NUS1: variants seen among roughly 807,000 people sequenced by gnomAD.
NUS1 encodes dehydrodolichyl diphosphate synthase complex subunit NUS1.
For synonymous variants in NUS1, 135 were observed against 155.2 expected (o/e 0.87, Z 0.97); for missense variants, 292 against 382.9 (o/e 0.76, Z 1.98).
intron 1 of NUS1, among the ~76,000 whole-genome samples, chr6:117,685,349 T>C (rs1773121475): frequency 6.6e-6 from 1 of 152,156 alleles, no homozygotes; most frequent in African/African-American, 2.4e-5. Context: ...GTGTGTTTTG[T>C]CATAATGGCT....
intron 1 of NUS1, among the ~76,000 whole-genome samples, chr6:117,680,643 T>C (rs1243745822): frequency 6.6e-6 from 1 of 152,260 alleles, no homozygotes; most frequent in South Asian, 2.1e-4. Flanking sequence ...ATGATACTTC[T>C]GCACACTGAA....
chr6:117,697,313 C>T (rs908065679), intron 3 of NUS1, among the ~76,000 whole-genome samples: 3 of 151,802 alleles, frequency 2.0e-5, no homozygotes, highest in African/African-American at 4.8e-5. Context: ...AAGTCCTTAT[C>T]GATAATAACA....
In NUS1 at chr6:117,679,501, G is replaced by A. The variant is rs114111964; in HGVS notation, c.415+3416G>A. Among the ~76,000 whole-genome samples, 834 of 152,332 alleles carry A rather than the reference G, an allele frequency of 5.5e-3. 10 individuals carry two copies. The highest frequency in any genetic ancestry group is 0.019 in the African/African-American group (780 of 41,574). ...TGTAGAAATCTACCCAAAGCATAGT[G>A]TTTTAAAACAACAATTTATATATTG... On this transcript the variant is annotated intron_variant, in intron 1 of 4. Coordinates refer to ENST00000368494, the MANE Select transcript of NUS1 (RefSeq NM_138459.5).
intron 3 of NUS1, among the ~76,000 whole-genome samples, chr6:117,699,315 G>T (rs1234830016): frequency 6.6e-6 from 1 of 152,142 alleles, no homozygotes; most frequent in South Asian, 2.1e-4. Context: ...CAAAACCAAT[G>T]TACAAAAATC....
chr6:117,678,666 C>A (rs1582463166), intron 1 of NUS1, among the ~76,000 whole-genome samples: 1 of 140,422 alleles, frequency 7.1e-6, no homozygotes, highest in African/African-American at 2.6e-5. Flanking sequence ...TTTAGTGTTT[C>A]TTTTTCAGTG....
At chr6:117,685,273 C>T (rs754907780) in intron 1 of NUS1, among the ~76,000 whole-genome samples, 9 of 151,692 alleles carry the variant, frequency 5.9e-5, no homozygotes, top group Non-Finnish European at 1.3e-4. Flanking sequence ...TTTTTTTCAA[C>T]TTTTATTGTA....
At position 117,675,919 on chromosome 6, in the gene NUS1, C is replaced by T. The variant is rs1772970629; in HGVS notation, c.249C>T (p.His83=). 4 of 1,543,904 alleles carry T rather than the reference C, an allele frequency of 2.6e-6. No individual in the cohort carries two copies. The highest frequency in any genetic ancestry group is 3.5e-6 in the Non-Finnish European group (4 of 1,143,314). Reference sequence around the variant, plus strand: ...GGTCGTGCCTGGCAGCCGCACACCACCGGATGCGCTGGCGCGCGGACGGTC... The same window carrying T: ...GGTCGTGCCTGGCAGCCGCACACCATCGGATGCGCTGGCGCGCGGACGGTC... The part of the protein sequence containing the change: ...RGGSCLAAAH[H]RMRWRADGRS... The change falls in exon 1 of 5, where the codon CAC becomes CAT. Residue 83 remains histidine, a synonymous_variant. Transcript: ENST00000368494.
rs1464231854 is a variant in NUS1 at position 117,675,974 on chromosome 6, G to A, written c.304G>A (p.Gly102Ser). The A allele has an allele frequency of 6.5e-7, 1 of 1,549,234 alleles. No individual in the cohort carries two copies. Among genetic ancestry groups the A allele is most frequent in the Admixed American group, 2.0e-5 (1 of 50,978 alleles). The change falls in exon 1 of 5, where the codon GGC becomes AGC. Residue 102 changes from glycine to serine, a missense_variant. By Grantham distance (56) the Gly-to-Ser change is moderately conservative (BLOSUM62 0). Transcript: ENST00000368494. ...RSLEKLPVHMGLVITEVEQEP... is the reference protein window; with the variant it reads ...RSLEKLPVHMSLVITEVEQEP... ...CTTGGAGAAGCTGCCTGTGCATATG[G>A]GCCTGGTGATCACCGAGGTGGAGCA...
Position 117,694,012 on chromosome 6 carries a change from T to G in NUS1, c.542-19T>G. On this transcript the variant is annotated intron_variant, in intron 2 of 4. Transcript: ENST00000368494. ...GGAAGAGAGTGTTTTTAAAATACAT[T>G]GTTTGTTTTTTCTTCCAGTTTTAAA... 6.3e-7 allele frequency: 1 copy of G among 1,592,044 alleles called. No individual in the cohort carries two copies.
chr6:117,682,311 A>C (rs1773073113), intron 1 of NUS1, among the ~76,000 whole-genome samples: 1 of 152,208 alleles, frequency 6.6e-6, no homozygotes, highest in Non-Finnish European at 1.5e-5. Flanking sequence ...GTATTAAAGT[A>C]AACCTTTGCT....
At chr6:117,701,318 C>T (rs561397777) in intron 3 of NUS1, among the ~76,000 whole-genome samples, 33 of 149,334 alleles carry the variant, frequency 2.2e-4, no homozygotes, top group Non-Finnish European at 3.7e-4. Flanking sequence ...GATCTCAGCT[C>T]ACTGCAGACT....
In NUS1 at chr6:117,706,968, T is replaced by C; in HGVS notation, c.835T>C (p.Ser279Pro). Residue 279 changes from serine to proline, a missense_variant, in exon 5 of 5, where the codon TCT becomes CCT. Physicochemically the swap from Ser to Pro is moderately conservative, Grantham distance 74. Coordinates refer to ENST00000368494, the MANE Select transcript of NUS1 (RefSeq NM_138459.5). ...AAACATCAGTTATGAGGACTTTTTC[T>C]CTGCCCTTCGTCAATATGCAGCCTG... ...HLNISYEDFF[S>P]ALRQYAACEQ... The C allele has an allele frequency of 6.2e-7, 1 of 1,613,066 alleles. No homozygotes were observed. The highest frequency in any genetic ancestry group is 8.5e-7 in the Non-Finnish European group (1 of 1,179,156).
chr6:117,690,256 G>A (rs937096900), intron 1 of NUS1, among the ~76,000 whole-genome samples: 25 of 152,100 alleles, frequency 1.6e-4, no homozygotes, highest in African/African-American at 4.6e-4. Context: ...CACGCTTAGA[G>A]TCTTATGATT....
chr6:117,690,647 G>A (rs1026507456), intron 1 of NUS1, among the ~76,000 whole-genome samples: 11 of 151,942 alleles, frequency 7.2e-5, no homozygotes, highest in Non-Finnish European at 1.2e-4. Flanking sequence ...GTCTAAAACC[G>A]AACTCATCCT....
At chr6:117,690,748 T>C (rs1006803591) in intron 1 of NUS1, among the ~76,000 whole-genome samples, 15 of 152,092 alleles carry the variant, frequency 9.9e-5, no homozygotes, top group Admixed American at 8.5e-4. Flanking sequence ...TCCCAGCACT[T>C]TGGGAGGCCG....
rs1773518652 is a variant in NUS1, at chr6:117,707,572, A to AT, written c.*557_*558insT. 7.3e-6 allele frequency: 1 copy of AT among 137,208 alleles called. No homozygotes were observed. The highest frequency in any genetic ancestry group is 1.5e-5 in the Non-Finnish European group (1 of 64,690). The allele number at this position is 137,208 out of a possible 1,614,324, so 8.5% of individuals were successfully genotyped here. On this transcript the variant is annotated 3_prime_UTR_variant, in exon 5 of 5. Transcript: ENST00000368494. The stretch of plus-strand genomic sequence containing the variant: ...TGCTCACCTTCAGAGCAGAGGGAAT[A>AT]CCTATCTTCAGATATCCGTCCATTT...
At position 117,709,028 on chromosome 6, in the gene NUS1, T is replaced by A. The variant is rs1030419722; in HGVS notation, c.*2013T>A. 7 of 152,152 alleles carry A rather than the reference T, an allele frequency of 4.6e-5. No homozygotes were observed. Among genetic ancestry groups the A allele is most frequent in the Non-Finnish European group, 7.4e-5 (5 of 67,996 alleles). The allele number at this position is 152,152 out of a possible 1,614,324, so 9.4% of individuals were successfully genotyped here. A position where few individuals can be genotyped will look rare whatever the true frequency, so the allele number is the denominator to read the frequency against. ...TTGAAAGTACATCTGTAGCCTATGA[T>A]TTGAGTCTCTTGAAGTTCTAGGAAG... is the stretch of plus-strand genomic sequence containing the variant. On this transcript the variant is annotated 3_prime_UTR_variant, in exon 5 of 5. Transcript: ENST00000368494.
chr6:117,684,818 A>G (rs1044217354), intron 1 of NUS1, among the ~76,000 whole-genome samples: 1 of 152,252 alleles, frequency 6.6e-6, no homozygotes, highest in African/African-American at 2.4e-5. Context: ...AAAAACAGCA[A>G]AAAACTTTTT....
chr6:117,681,269 T>C (rs1434498979), intron 1 of NUS1, among the ~76,000 whole-genome samples: 1 of 152,248 alleles, frequency 6.6e-6, no homozygotes, highest in African/African-American at 2.4e-5. Flanking sequence ...TTTGTATGTA[T>C]ATGTGCATAA....
Sources: allele counts gnomAD v4.1 joint callset (sites outside exome capture counted in the v4.1 genomes callset), GRCh38; gene constraint gnomAD v4.1.1; transcripts MANE v1.5; gene names NCBI Gene and HGNC (gene_info 2026-07-23, HGNC 2026-07-21).